Variants in VCPKMT observed in about 807,000 individuals in gnomAD.
VCPKMT encodes the protein protein N-lysine methyltransferase METTL21D.
VCPKMT carries 32 observed loss-of-function variants against 28.6 expected under a neutral mutation model. That is an observed-to-expected ratio of 1.12 (90% CI 0.84 to 1.50). VCPKMT has a LOEUF of 1.50. Ranked by LOEUF, VCPKMT falls within the 40% of genes most tolerant of loss-of-function variation. The pLI is 0.00. For synonymous variants in VCPKMT, 138 were observed against 111.4 expected, an observed-to-expected ratio of 1.24 and a Z score of -1.50; for missense variants, 366 against 285.0, an observed-to-expected ratio of 1.28 and a Z score of -2.05.
downstream of VCPKMT, among the ~76,000 whole-genome samples, chr14:50,106,047 CTTCT>C (rs1316184548): frequency 1.4e-5 from 2 of 143,540 alleles, no homozygotes; most frequent in Non-Finnish European, 3.2e-5. Context: ...TATATACTTT[CTTCT>C]TTCTTTGCTC....
chr14:50,108,610 G>T (rs1882427269), downstream of VCPKMT: 1 of 985,706 alleles, frequency 1.0e-6, no homozygotes, highest in Non-Finnish European at 1.2e-6. Context: ...TTCTTCAAAG[G>T]TATTTCTGAA....
chr14:50,115,162 T>G (rs1176888487), intron 3 of VCPKMT, among the ~76,000 whole-genome samples: 2 of 79,810 alleles, frequency 2.5e-5, no homozygotes, highest in East Asian at 6.0e-4. Context: ...TTTTTTTTTT[T>G]TTTTTTTGAG....
At chr14:50,112,751 CAAT>C in intron 4 of VCPKMT, 32 bp from the exon 5 acceptor site, 1 of 1,421,828 alleles carries the variant, frequency 7.0e-7, no homozygotes, top group Non-Finnish European at 9.6e-7. Context: ...ACTTCAAATT[CAAT>C]AATATGAACT....
At chr14:50,112,546 A>C in intron 5 of VCPKMT, 69 bp downstream of exon 5, 2 of 997,058 alleles carry the variant, frequency 2.0e-6, no homozygotes, top group South Asian at 2.8e-5. Context: ...CATACCACAC[A>C]TATGCCCTGA....
At position 50,116,109 on chromosome 14, in the gene VCPKMT, G is replaced by C. The variant is rs1883174039; in HGVS notation, c.337C>G (p.His113Asp). Residue 113 changes from histidine (H) to aspartate (D), a missense_variant, in exon 2 of 6, where the codon CAT (histidine) becomes GAT (aspartate). Physicochemically the swap from His to Asp is moderately conservative, Grantham distance 81. Coordinates refer to ENST00000395860, the MANE Select transcript of VCPKMT (RefSeq NM_024558.3). The stretch of plus-strand genomic sequence containing the variant: ...GCTTGAACAGAACCAGTGACAAGAT[G>C]CTTGTTCATATTAATATTCATCTTC... The part of the protein sequence containing the change: ...LLKMNINMNK[H>D]LVTGSVQAKV... 6.2e-7 allele frequency: 1 copy of C among 1,613,934 alleles called. No homozygotes were observed. Among genetic ancestry groups the C allele is most frequent in the Non-Finnish European group, 8.5e-7 (1 of 1,179,948 alleles).
rs1242291755 is a variant in VCPKMT, at chr14:50,109,543, C to G, written c.*156G>C. The G allele has an allele frequency of 9.0e-6, 12 of 1,331,056 alleles. No individual in the cohort carries two copies. The highest frequency in any genetic ancestry group is 2.8e-4 in the Middle Eastern group (1 of 3,586). 82.5% of individuals were successfully genotyped at this position (1,331,056 alleles called of 1,614,324 possible). ...AAGCAGGAATTTTTCGTATTGCAGACAGCCCCTGGTGGTCATCATCTATAC... is the reference window on the plus strand; with the variant it reads ...AAGCAGGAATTTTTCGTATTGCAGAGAGCCCCTGGTGGTCATCATCTATAC... On this transcript the variant is annotated 3_prime_UTR_variant, in exon 6 of 6. Coordinates refer to ENST00000395860, the MANE Select transcript of VCPKMT (RefSeq NM_024558.3).
downstream of VCPKMT, among the ~76,000 whole-genome samples, chr14:50,106,882 G>A (rs190744554): frequency 1.3e-5 from 2 of 152,216 alleles, no homozygotes; most frequent in Admixed American, 1.3e-4. Flanking sequence ...CCACACCCAA[G>A]TAATTTTTTG....
At chr14:50,112,107 G>A in intron 5 of VCPKMT, 2 of 975,220 alleles carry the variant, frequency 2.1e-6, no homozygotes, top group Non-Finnish European at 2.4e-6. Flanking sequence ...TTTTAATAAG[G>A]AAAAGTTCAC....
At chr14:50,104,811 C>T (rs963981601), downstream of VCPKMT, among the ~76,000 whole-genome samples, 4 of 152,022 alleles carry the variant, frequency 2.6e-5, no homozygotes, top group Non-Finnish European at 4.4e-5. Context: ...ATTTTCAGAA[C>T]GTCACTTGAA....
the VCPKMT span, among the ~76,000 whole-genome samples, chr14:50,102,992 T>G: frequency 6.6e-6 from 1 of 152,248 alleles, no homozygotes; most frequent in Admixed American, 6.5e-5. Context: ...CCAGGACATC[T>G]TTGAACGTGG....
At chr14:50,108,259 A>C (rs1360126153), downstream of VCPKMT, among the ~76,000 whole-genome samples, 1 of 151,862 alleles carries the variant, frequency 6.6e-6, no homozygotes, top group Non-Finnish European at 1.5e-5. Flanking sequence ...ACATTTAAGG[A>C]ACCTGGGTGG....
chr14:50,107,804 A>G (rs528913580), downstream of VCPKMT, among the ~76,000 whole-genome samples: 125 of 152,334 alleles, frequency 8.2e-4, 1 homozygote, highest in Non-Finnish European at 7.6e-4. Context: ...CCAGGAAATT[A>G]GTGAAGTTTC....
downstream of VCPKMT, among the ~76,000 whole-genome samples, chr14:50,104,602 G>C (rs143355342): frequency 6.6e-6 from 1 of 150,738 alleles, no homozygotes; most frequent in Non-Finnish European, 1.5e-5. Flanking sequence ...AGAAAACCCA[G>C]AAGTCAAATA....
downstream of VCPKMT, chr14:50,106,713 T>G: frequency 4.9e-4 from 402 of 824,862 alleles, no homozygotes; most frequent in Middle Eastern, 6.2e-4. Context: ...CCTCAGGCCT[T>G]CCTCCTGCGG....
the VCPKMT span, among the ~76,000 whole-genome samples, chr14:50,103,477 G>A: frequency 1.3e-5 from 2 of 152,088 alleles, no homozygotes; most frequent in Non-Finnish European, 2.9e-5. Context: ...TACCCATCTG[G>A]TCTCAGGTTT....
chr14:50,111,557 C>T (rs1882663865), intron 5 of VCPKMT: 1 of 985,278 alleles, frequency 1.0e-6, no homozygotes, highest in Non-Finnish European at 1.2e-6. Context: ...ACACTAGTCA[C>T]ATATACCAAA....
chr14:50,110,200 T>C (rs559887772), intron 5 of VCPKMT, among the ~76,000 whole-genome samples: 1 of 152,286 alleles, frequency 6.6e-6, no homozygotes, highest in East Asian at 1.9e-4. Context: ...TGAGCCAAGA[T>C]CATGCCACTG....
In VCPKMT at chr14:50,116,527, A is replaced by G. The variant is rs902963471; in HGVS notation, c.26T>C (p.Leu9Pro). The G allele has an allele frequency of 5.6e-6, 9 of 1,612,818 alleles. No individual in the cohort carries two copies. The highest frequency in any genetic ancestry group is 1.3e-5 in the African/African-American group (1 of 74,912). Residue 9 changes from leucine to proline, a missense_variant, in exon 1 of 6, where the codon CTG becomes CCG. Transcript: ENST00000395860. Reference protein sequence around the residue: MADTLESSLEDPLRSFVRV... With the variant: MADTLESSPEDPLRSFVRV... ...CACAAAGCTCCGCAGTGGGTCCTCC[A>G]GCGAGGACTCCAGCGTATCCGCCAT... is the stretch of plus-strand genomic sequence containing the variant.
At chr14:50,114,062 A>G (rs1882921546) in intron 4 of VCPKMT, among the ~76,000 whole-genome samples, 1 of 152,198 alleles carries the variant, frequency 6.6e-6, no homozygotes, top group South Asian at 2.1e-4. Flanking sequence ...CCGTATTAAC[A>G]TTCTTCTGTA....
Sources: allele counts gnomAD v4.1 joint callset (sites outside exome capture counted in the v4.1 genomes callset), GRCh38; gene constraint gnomAD v4.1.1; transcripts MANE v1.5; gene names NCBI Gene and HGNC (gene_info 2026-07-23, HGNC 2026-07-21).